Variants in CADPS observed in about 807,000 individuals in gnomAD.
The protein encoded by CADPS is calcium-dependent secretion activator 1.
CADPS carries 57 observed loss-of-function variants against 167.3 expected under a neutral mutation model. The observed-to-expected ratio is 0.34, with a 90% CI of 0.28 to 0.42. CADPS has a LOEUF of 0.42. Among genes scored for constraint, CADPS ranks in the 20% least tolerant of loss-of-function variants. The pLI, the probability that CADPS is intolerant of heterozygous loss-of-function variation, is 1.00. For synonymous variants in CADPS, 676 were observed against 635.3 expected, an observed-to-expected ratio of 1.06 and a Z score of -0.96; for missense variants, 1,414 against 1,738.1, an observed-to-expected ratio of 0.81 and a Z score of 3.32.
intron 28 of CADPS, among the ~76,000 whole-genome samples, chr3:62,414,494 T>C (rs1397505617): frequency 6.6e-6 from 1 of 152,214 alleles, no homozygotes; most frequent in African/African-American, 2.4e-5. Context: ...CTAATAAAAA[T>C]CATGTATTTC....
chr3:62,488,863 C>T (rs2063245390), intron 21 of CADPS, among the ~76,000 whole-genome samples: 2 of 152,166 alleles, frequency 1.3e-5, no homozygotes, highest in Admixed American at 1.3e-4. Context: ...GAACAAACCA[C>T]AATCATATTC....
chr3:62,486,137 A>G (rs1173674633), intron 21 of CADPS, among the ~76,000 whole-genome samples: 1 of 152,230 alleles, frequency 6.6e-6, no homozygotes, highest in Non-Finnish European at 1.5e-5. Context: ...TATATACAAT[A>G]AAACCTATTT....
At position 62,544,999 on chromosome 3, in the gene CADPS, A is replaced by G; in HGVS notation, c.1966+4904T>C. 1 of 289,342 alleles carries G rather than the reference A, an allele frequency of 3.5e-6. No individual in the cohort carries two copies. The highest frequency in any genetic ancestry group is 5.7e-6 in the Non-Finnish European group (1 of 175,980). 17.9% of individuals were successfully genotyped at this position (289,342 alleles called of 1,614,324 possible). On this transcript the variant is annotated intron_variant, in intron 11 of 29. Transcript: ENST00000383710. This position sits in a 1 kb window ranked among gnomAD's most constrained non-coding sequence, Gnocchi z 4.4. ...AAAGATTGAACAAGAAAACTTAAAC[A>G]AAACAAAACAAAAAACAAAATCAAC... is the stretch of plus-strand genomic sequence containing the variant.
At chr3:62,685,336 T>C (rs2077807380) in intron 3 of CADPS, among the ~76,000 whole-genome samples, 1 of 151,838 alleles carries the variant, frequency 6.6e-6, no homozygotes, top group African/African-American at 2.4e-5. Context: ...GTGATCAAGA[T>C]TAAGGAATCT....
intron 28 of CADPS, among the ~76,000 whole-genome samples, chr3:62,431,397 C>CT (rs2053921128): frequency 6.6e-6 from 1 of 152,046 alleles, no homozygotes; most frequent in African/African-American, 2.4e-5. Flanking sequence ...TTTAGCCCCC[C>CT]CTCAATCTTT....
chr3:62,831,621 A>G (rs940028475), intron 1 of CADPS, among the ~76,000 whole-genome samples: 2 of 152,216 alleles, frequency 1.3e-5, no homozygotes, highest in African/African-American at 4.8e-5. Context: ...AGAGTCACAG[A>G]TGTAGCATTT....
chr3:62,701,330 C>A (rs943160027), intron 3 of CADPS, among the ~76,000 whole-genome samples: 1 of 151,916 alleles, frequency 6.6e-6, no homozygotes, highest in African/African-American at 2.4e-5. Flanking sequence ...ACTGAAGATC[C>A]CAATACATGG....
rs552513675 is a variant in CADPS, at chr3:62,491,525, T to G, written c.2885-45A>C. 6.5e-6 allele frequency: 10 copies of G among 1,532,876 alleles called. No homozygotes were observed. In the South Asian group the frequency reaches 1.0e-4, roughly 16 times the overall value. The allele number at this position is 1,532,876 out of a possible 1,614,324, so 95.0% of individuals were successfully genotyped here. Reference sequence around the variant, plus strand: ...GCTTGTTAAGAACCCACAGCTACTTTATCAACGTACAACACACACACACAC... The same window carrying G: ...GCTTGTTAAGAACCCACAGCTACTTGATCAACGTACAACACACACACACAC... On this transcript the variant is annotated intron_variant, in intron 20 of 29. Coordinates refer to ENST00000383710, the MANE Select transcript of CADPS (RefSeq NM_003716.4).
chr3:62,520,170 A>G (rs1010444059), intron 13 of CADPS, among the ~76,000 whole-genome samples: 5 of 152,236 alleles, frequency 3.3e-5, no homozygotes, highest in African/African-American at 1.2e-4. Context: ...AAGAGCCAGG[A>G]TATTTGTGGT....
intron 3 of CADPS, among the ~76,000 whole-genome samples, chr3:62,678,949 A>G (rs937712991): frequency 6.6e-6 from 1 of 152,016 alleles, no homozygotes; most frequent in African/African-American, 2.4e-5. Flanking sequence ...GAGGCGAGGG[A>G]CTGGTTAGAA....
intron 3 of CADPS, among the ~76,000 whole-genome samples, chr3:62,712,067 C>A (rs1026121498): frequency 6.6e-6 from 1 of 152,230 alleles, no homozygotes; most frequent in Non-Finnish European, 1.5e-5. Context: ...AATGACTACA[C>A]AAAATTTCAA....
intron 3 of CADPS, among the ~76,000 whole-genome samples, chr3:62,692,649 A>G (rs2079389070): frequency 6.6e-6 from 1 of 152,086 alleles, no homozygotes; most frequent in African/African-American, 2.4e-5. Context: ...TCTCACTGCC[A>G]TCAACCTAGT....
At chr3:62,429,744 A>G (rs1390957123) in intron 28 of CADPS, among the ~76,000 whole-genome samples, 1 of 152,098 alleles carries the variant, frequency 6.6e-6, no homozygotes, top group Non-Finnish European at 1.5e-5. Context: ...ACACAGAAGT[A>G]TTGTGTGGGT....
chr3:62,494,525 T>C lies in CADPS; in HGVS notation c.2707-860A>G, dbSNP rs549663802. On this transcript the variant is annotated intron_variant, in intron 18 of 29. Coordinates refer to ENST00000383710, the MANE Select transcript of CADPS (RefSeq NM_003716.4). ...TTCAGGATGAGTCCAAGAAAAGTTA[T>C]TGGGAAGACTGAGTTGCCTCCCCAG... is the stretch of plus-strand genomic sequence containing the variant. Among the ~76,000 whole-genome samples, 16 of 152,306 alleles carry C rather than the reference T, an allele frequency of 1.1e-4. No individual in the cohort carries two copies. In the East Asian group the frequency reaches 1.4e-3, roughly 13 times the overall value.
At chr3:62,593,756 C>G (rs2086610645) in intron 6 of CADPS, among the ~76,000 whole-genome samples, 1 of 152,230 alleles carries the variant, frequency 6.6e-6, no homozygotes, top group Non-Finnish European at 1.5e-5. Flanking sequence ...AACCACTGTC[C>G]TTTGATCTCC....
rs143123729 is a variant in CADPS, at chr3:62,837,963, C to T, written c.441+36626G>A. 2.2e-3 allele frequency among the ~76,000 whole-genome samples: 341 copies of T among 152,236 alleles called. 4 individuals are homozygous for T. Among genetic ancestry groups the T allele is most frequent in the African/African-American group, 8.0e-3 (332 of 41,530 alleles). On this transcript the variant is annotated intron_variant, in intron 1 of 29. Transcript: ENST00000383710. ...ATTAATTAAGCATTAGTGAAACAGC[C>T]CTCAAAATGCACATGCTGACAGAGG...
intron 3 of CADPS, among the ~76,000 whole-genome samples, chr3:62,675,288 T>G (rs1445376289): frequency 6.6e-6 from 1 of 152,032 alleles, no homozygotes; most frequent in Non-Finnish European, 1.5e-5. Flanking sequence ...ATACATAAAA[T>G]ATTTTATAAG....
intron 6 of CADPS, among the ~76,000 whole-genome samples, chr3:62,627,933 T>G (rs977249136): frequency 2.0e-5 from 3 of 152,190 alleles, no homozygotes; most frequent in African/African-American, 7.2e-5. Context: ...AGGATCCTCA[T>G]GGTAAGCAAT....
chr3:62,760,415 A>T (rs2085111609), intron 2 of CADPS, among the ~76,000 whole-genome samples: 1 of 152,106 alleles, frequency 6.6e-6, no homozygotes, highest in Non-Finnish European at 1.5e-5. Context: ...ATTTATTTAG[A>T]GACAGGGTCT....
Sources: allele counts gnomAD v4.1 joint callset (sites outside exome capture counted in the v4.1 genomes callset), GRCh38; gene constraint gnomAD v4.1.1; non-coding constraint Gnocchi (gnomAD v3.1); transcripts MANE v1.5; gene names NCBI Gene and HGNC (gene_info 2026-07-23, HGNC 2026-07-21).